Variants in PCDH11X observed in about 807,000 individuals in gnomAD.
The protein encoded by PCDH11X is protocadherin 11 X-linked.
A neutral mutation model predicts 53.3 loss-of-function variants in PCDH11X; 18 were observed. The observed-to-expected ratio is 0.34, with a 90% confidence interval of 0.23 to 0.50. The LOEUF (loss-of-function observed/expected upper bound fraction) is 0.50. PCDH11X is among the 20% of genes least tolerant of loss of function. The probability of loss-of-function intolerance (pLI) is 0.98; values close to 1 mark genes in which losing one functional copy is unlikely to be tolerated. For missense variants in PCDH11X, 570 were observed against 1,032.4 expected (o/e 0.55, Z 6.14); for synonymous variants, 279 against 393.3 (o/e 0.71, Z 3.44).
chrX:92,310,212 G>C (rs1015869544), intron 8 of PCDH11X, among the ~76,000 whole-genome samples: 4 of 111,746 alleles, frequency 3.6e-5, no homozygotes, highest in African/African-American at 1.3e-4. Context: ...TTGCTTTTCT[G>C]TTCTGGTTGA....
At chrX:91,881,975 G>A (rs2147741760) in intron 6 of PCDH11X, among the ~76,000 whole-genome samples, 1 of 110,890 alleles carries the variant, frequency 9.0e-6, no homozygotes, top group Non-Finnish European at 1.9e-5. Context: ...AAATGTTCTA[G>A]TAGACTATAA....
At chrX:92,262,851 A>G (rs1386831275) in intron 7 of PCDH11X, 3 of 161,216 alleles carry the variant, frequency 1.9e-5, no homozygotes, top group South Asian at 2.8e-4. Context: ...TTTTGTGCCA[A>G]TTGAAATTTT....
rs566273300 is a variant in PCDH11X, at chrX:92,034,190, A to T, written c.3033+154917A>T. On this transcript the variant is annotated intron_variant, in intron 6 of 10. Transcript: ENST00000682573. ...AAGGTATGGTCTATCCTTGAGAATG[A>T]TCCATGTGCTGAAGAAAAGAATGCG... Among the ~76,000 whole-genome samples the T allele has an allele frequency of 6.3e-5, 7 of 111,457 alleles. No individual in the cohort carries two copies. In the South Asian group the frequency reaches 2.6e-3, roughly 42 times the overall value.
intron 9 of PCDH11X, among the ~76,000 whole-genome samples, chrX:92,412,508 AGTAT>A (rs2071702089): frequency 2.5e-5 from 1 of 40,378 alleles, no homozygotes; most frequent in African/African-American, 9.0e-5. Flanking sequence ...TAAAGAAAAT[AGTAT>A]ATATATATAT....
intron 6 of PCDH11X, chrX:91,983,475 C>A (rs1272185443): frequency 3.6e-6 from 2 of 550,947 alleles, no homozygotes; most frequent in Non-Finnish European, 6.4e-6. Flanking sequence ...GCAGACTTGC[C>A]AAGATTGGCA....
At chrX:91,817,129 T>C (rs950090918) in intron 4 of PCDH11X, among the ~76,000 whole-genome samples, 5 of 111,262 alleles carry the variant, frequency 4.5e-5, no homozygotes, top group Non-Finnish European at 9.4e-5. Context: ...CATTTATTTA[T>C]ATAGCATATC....
chrX:91,940,470 T>C (rs2061495539), intron 6 of PCDH11X, among the ~76,000 whole-genome samples: 1 of 111,524 alleles, frequency 9.0e-6, no homozygotes, highest in African/African-American at 3.3e-5. Context: ...AGAGGAGATA[T>C]AGAAGTGTGT....
chrX:92,392,798 T>G (rs2573869), intron 9 of PCDH11X, among the ~76,000 whole-genome samples: 40,573 of 106,522 alleles, frequency 0.38, 6,458 homozygotes, highest in Non-Finnish European at 0.49. Context: ...CATGGAAATA[T>G]TTTTCCCTGG....
intron 6 of PCDH11X, among the ~76,000 whole-genome samples, chrX:92,052,172 A>G (rs1171267292): frequency 8.9e-6 from 1 of 112,077 alleles, no homozygotes; most frequent in Non-Finnish European, 1.9e-5. Flanking sequence ...TTTAACTAGT[A>G]TGATCTGACC....
intron 5 of PCDH11X, 46 bp from the exon 6 acceptor site, chrX:91,876,735 A>G (rs1189978204): frequency 9.8e-7 from 1 of 1,017,603 alleles, no homozygotes; most frequent in South Asian, 3.2e-5. Context: ...TAATATATTA[A>G]TTTATATTAA....
At chrX:92,439,477 T>G (rs999317915) in intron 9 of PCDH11X, among the ~76,000 whole-genome samples, 1 of 110,783 alleles carries the variant, frequency 9.0e-6, no homozygotes, top group African/African-American at 3.3e-5. Context: ...TGGCTGTGGA[T>G]CAAGTCAGCT....
intron 6 of PCDH11X, among the ~76,000 whole-genome samples, chrX:92,041,414 A>G (rs34757879): frequency 8.9e-6 from 1 of 111,800 alleles, no homozygotes; most frequent in Non-Finnish European, 1.9e-5. Flanking sequence ...CTTTGCTCAC[A>G]ATAATCCAAT....
At chrX:92,173,194 GTTTGATTTTAGAT>G (rs1460133261) in intron 6 of PCDH11X, among the ~76,000 whole-genome samples, 1 of 111,685 alleles carries the variant, frequency 9.0e-6, no homozygotes, top group African/African-American at 3.3e-5. Context: ...TTTGCTATTA[GTTTGATTTTAGAT>G]GACATGTCCT....
chrX:92,273,755 C>G (rs757878261), intron 8 of PCDH11X, among the ~76,000 whole-genome samples: 1 of 110,494 alleles, frequency 9.1e-6, no homozygotes, highest in East Asian at 2.9e-4. Context: ...TTGGTGATGG[C>G]CTGGATACGG....
At chrX:92,544,942 ACAGT>A (rs752754681) in intron 10 of PCDH11X, among the ~76,000 whole-genome samples, 2 of 111,668 alleles carry the variant, frequency 1.8e-5, no homozygotes, top group South Asian at 3.7e-4. Context: ...CCTACAAAAC[ACAGT>A]CAGAGTATAC....
chrX:92,317,176 C>G (rs2069097584), intron 8 of PCDH11X, among the ~76,000 whole-genome samples: 1 of 98,860 alleles, frequency 1.0e-5, no homozygotes, highest in Non-Finnish European at 2.0e-5. Flanking sequence ...CCTCCCACCC[C>G]CCCATCCCTG....
intron 8 of PCDH11X, among the ~76,000 whole-genome samples, chrX:92,310,879 T>C (rs1487978093): frequency 1.8e-5 from 2 of 111,925 alleles, no homozygotes; most frequent in East Asian, 5.6e-4. Context: ...TAGATTTTAT[T>C]TGTAAGTCCT....
At chrX:92,313,086 A>T (rs2068985952) in intron 8 of PCDH11X, among the ~76,000 whole-genome samples, 1 of 111,983 alleles carries the variant, frequency 8.9e-6, no homozygotes, top group Non-Finnish European at 1.9e-5. Flanking sequence ...CTTTTTCATT[A>T]GTCCTAATCT....
chrX:92,387,303 C>A (rs1404037531), intron 8 of PCDH11X, among the ~76,000 whole-genome samples: 2 of 111,747 alleles, frequency 1.8e-5, no homozygotes, highest in African/African-American at 6.5e-5. Context: ...TGTTATTATT[C>A]ACAGTTTCAG....
Sources: allele counts gnomAD v4.1 joint callset (sites outside exome capture counted in the v4.1 genomes callset), GRCh38; gene constraint gnomAD v4.1.1; transcripts MANE v1.5; gene names NCBI Gene and HGNC (gene_info 2026-07-23, HGNC 2026-07-21).